Variants in GPHN observed in about 807,000 individuals in gnomAD.
GPHN encodes gephyrin.
GPHN carries 17 observed loss-of-function variants against 95.5 expected under a neutral mutation model. The ratio of observed to expected loss-of-function variants is 0.18; its 90% CI spans 0.12 to 0.27. GPHN has a LOEUF of 0.27. Ranked by LOEUF, GPHN falls within the 10% of genes least tolerant of loss-of-function variation. GPHN has a pLI of 1.00. For missense variants in GPHN, 660 were observed against 978.1 expected (o/e 0.67, Z 4.34); for synonymous variants, 320 against 322.5 (o/e 0.99, Z 0.08).
At chr14:67,296,155 T>G in the GPHN span, among the ~76,000 whole-genome samples, 2 of 151,952 alleles carry the variant, frequency 1.3e-5, no homozygotes, top group African/African-American at 4.8e-5. Flanking sequence ...AAATTTAATT[T>G]GCTGAGTCTT....
intron 9 of GPHN, among the ~76,000 whole-genome samples, chr14:67,003,166 G>C (rs528214313): frequency 6.6e-6 from 1 of 151,682 alleles, no homozygotes; most frequent in Admixed American, 6.6e-5. Flanking sequence ...CCCCAAAGAT[G>C]ACTAATAGGA....
intron 10 of GPHN, among the ~76,000 whole-genome samples, chr14:67,031,978 C>A (rs942507803): frequency 2.6e-5 from 4 of 152,102 alleles, no homozygotes; most frequent in Non-Finnish European, 5.9e-5. Context: ...GAGACACCAA[C>A]TTAAAAGCAA....
At chr14:66,628,417 G>A (rs2063601981) in intron 1 of GPHN, among the ~76,000 whole-genome samples, 2 of 152,042 alleles carry the variant, frequency 1.3e-5, no homozygotes, top group Admixed American at 1.3e-4. Flanking sequence ...AATATTGTAG[G>A]CAGTTATAAC....
chr14:67,713,493 G>A, the GPHN span, among the ~76,000 whole-genome samples: 1 of 151,938 alleles, frequency 6.6e-6, no homozygotes, highest in Non-Finnish European at 1.5e-5. Flanking sequence ...TTCTCTGGAG[G>A]GGATATTCCC....
chr14:67,329,880 A>T, the GPHN span, among the ~76,000 whole-genome samples: 3,862 of 89,636 alleles, frequency 0.043, 87 homozygotes, highest in African/African-American at 0.2. Context: ...ATAAATAAAT[A>T]GATATAGAAA....
chr14:67,033,076 G>T (rs913623842), intron 10 of GPHN, among the ~76,000 whole-genome samples: 1 of 152,034 alleles, frequency 6.6e-6, no homozygotes, highest in Non-Finnish European at 1.5e-5. Flanking sequence ...CACAAAGTTA[G>T]AAACTATTAA....
intron 2 of GPHN, among the ~76,000 whole-genome samples, chr14:66,697,752 A>G (rs937585685): frequency 1.2e-4 from 18 of 147,574 alleles, no homozygotes; most frequent in African/African-American, 3.8e-4. Flanking sequence ...CAGTGGTGCA[A>G]TCATGGCTTA....
the GPHN span, among the ~76,000 whole-genome samples, chr14:67,517,824 G>C: frequency 6.6e-6 from 1 of 152,192 alleles, no homozygotes; most frequent in Non-Finnish European, 1.5e-5. Context: ...GTTTGGTCAG[G>C]GTTAGAGTGC....
At chr14:67,425,043 T>C in the GPHN span, among the ~76,000 whole-genome samples, 1 of 152,320 alleles carries the variant, frequency 6.6e-6, no homozygotes, top group African/African-American at 2.4e-5. Flanking sequence ...AGAAACAAAG[T>C]TTAGCTCATA....
chr14:66,958,014 A>G (rs1403662374), intron 8 of GPHN, among the ~76,000 whole-genome samples: 1 of 152,186 alleles, frequency 6.6e-6, no homozygotes, highest in Non-Finnish European at 1.5e-5. Context: ...GTCTTCCATA[A>G]AAACACTCCT....
At chr14:67,605,803 C>T in the GPHN span, among the ~76,000 whole-genome samples, 7 of 152,034 alleles carry the variant, frequency 4.6e-5, no homozygotes, top group African/African-American at 1.5e-4. Flanking sequence ...CTGCCTCAGC[C>T]TCCCCAGTAG....
At chr14:67,616,684 A>T in the GPHN span, 1 of 144,724 alleles carries the variant, frequency 6.9e-6, no homozygotes, top group East Asian at 2.0e-4. Context: ...AGTGTTTCAG[A>T]TTTTTTTTTT....
chr14:67,505,722 T>G, the GPHN span, among the ~76,000 whole-genome samples: 2,117 of 152,082 alleles, frequency 0.014, 62 homozygotes, highest in African/African-American at 0.049. Context: ...TTTTTTTTTT[T>G]TTTAAACAGA....
chr14:66,546,268 A>T (rs1434810982), intron 1 of GPHN, among the ~76,000 whole-genome samples: 5 of 145,810 alleles, frequency 3.4e-5, no homozygotes, highest in Admixed American at 3.4e-4. Flanking sequence ...CCGGGCAGAG[A>T]CGCTCCTCAC....
At chr14:67,289,966 G>T in the GPHN span, among the ~76,000 whole-genome samples, 1 of 151,848 alleles carries the variant, frequency 6.6e-6, no homozygotes, top group Non-Finnish European at 1.5e-5. Flanking sequence ...TAGAGACGGG[G>T]TTTCACCGTG....
At chr14:66,612,516 T>C (rs2062826346) in intron 1 of GPHN, among the ~76,000 whole-genome samples, 1 of 152,080 alleles carries the variant, frequency 6.6e-6, no homozygotes, top group South Asian at 2.1e-4. Flanking sequence ...CGTTATGACA[T>C]TCTTGTTTCG....
the GPHN span, among the ~76,000 whole-genome samples, chr14:67,276,678 G>C: frequency 6.6e-6 from 1 of 152,116 alleles, no homozygotes. Context: ...TCTCCCAGTA[G>C]ACTGAACATT....
At chr14:66,542,059 C>T (rs897362037) in intron 1 of GPHN, among the ~76,000 whole-genome samples, 2 of 152,188 alleles carry the variant, frequency 1.3e-5, no homozygotes, top group Non-Finnish European at 2.9e-5. Context: ...GATTTGCATT[C>T]TCAACTTCCT....
intron 4 of GPHN, among the ~76,000 whole-genome samples, chr14:66,860,886 C>A (rs2062996191): frequency 6.6e-6 from 1 of 151,456 alleles, no homozygotes. Flanking sequence ...ACAATAGCTA[C>A]AAAAAAATAT....
Sources: gnomAD v4.1 joint callset for allele counts (sites outside exome capture counted in the v4.1 genomes callset) on GRCh38, gnomAD v4.1.1 for gene constraint, MANE v1.5 for transcripts, NCBI Gene and HGNC (gene_info 2026-07-23, HGNC 2026-07-21) for gene names.